The following EIF4E3 variants were observed in gnomAD, a reference collection of about 807,000 sequenced individuals.
The protein encoded by EIF4E3 is eukaryotic translation initiation factor 4E family member 3, also known as eukaryotic translation initiation factor 4E type 3.
In EIF4E3, 26 loss-of-function variants were observed where a neutral mutation model predicts 31.7. That is an observed-to-expected ratio of 0.82 (90% CI 0.60 to 1.14). The LOEUF is 1.14. Ranked by LOEUF, EIF4E3 falls within the 50% of genes most tolerant of loss-of-function variation. The pLI is 0.00. For missense variants in EIF4E3, 304 were observed against 270.9 expected, an observed-to-expected ratio of 1.12 and a Z score of -0.86; for synonymous variants, 128 against 107.7, an observed-to-expected ratio of 1.19 and a Z score of -1.17.
At chr3:71,716,466 C>G (rs1401043364) in intron 1 of EIF4E3, among the ~76,000 whole-genome samples, 2 of 152,172 alleles carry the variant, frequency 1.3e-5, no homozygotes, top group Non-Finnish European at 2.9e-5. Context: ...ATCTCCTGAC[C>G]TCGTGATCCA....
chr3:71,694,060 T>A (rs1179221907), intron 4 of EIF4E3, 119 bp from the exon 5 acceptor site: 2 of 970,012 alleles, frequency 2.1e-6, no homozygotes, highest in Non-Finnish European at 2.9e-6. Flanking sequence ...TCTGTGCCCA[T>A]ACTTGGAGTC....
upstream of EIF4E3, chr3:71,754,123 T>G: frequency 7.0e-7 from 1 of 1,432,618 alleles, no homozygotes; most frequent in Non-Finnish European, 9.2e-7. The surrounding 1 kb of genome is among the most constrained non-coding windows in gnomAD (Gnocchi z 5.8). Flanking sequence ...CTGGCCACGC[T>G]CAGCCTGCTG....
At chr3:71,733,228 C>A (rs984169764) in intron 1 of EIF4E3, among the ~76,000 whole-genome samples, 1 of 152,182 alleles carries the variant, frequency 6.6e-6, no homozygotes, top group African/African-American at 2.4e-5. Context: ...GGTCCTGGAG[C>A]ACTGCCTGTT....
intron 1 of EIF4E3, among the ~76,000 whole-genome samples, chr3:71,732,170 G>A (rs1171628918): frequency 6.6e-6 from 1 of 152,000 alleles, no homozygotes; most frequent in Admixed American, 6.6e-5. Flanking sequence ...CTCCCCACTT[G>A]GTAAACACAC....
chr3:71,688,156 T>C, intron 6 of EIF4E3, among the ~76,000 whole-genome samples: 1 of 152,174 alleles, frequency 6.6e-6, no homozygotes, highest in East Asian at 1.9e-4. Context: ...CCTTTAGGTA[T>C]CTATTTGATT....
At chr3:71,754,462 CGTGCGCCGCCATGCTGGT>C, upstream of EIF4E3, 3 of 1,333,682 alleles carry the variant, frequency 2.2e-6, no homozygotes, top group Non-Finnish European at 2.9e-6. This position sits in a 1 kb window ranked among gnomAD's most constrained non-coding sequence, Gnocchi z 5.8. Context: ...GCCGGCTGGC[CGTGCGCCGCCATGCTGGT>C]GTGCGCCGCC....
chr3:71,672,813 C>T (rs530183360), downstream of EIF4E3, among the ~76,000 whole-genome samples: 13 of 152,168 alleles, frequency 8.5e-5, no homozygotes, highest in East Asian at 1.4e-3. Context: ...TTTCCACACA[C>T]GTCTTCTGGG....
Position 71,676,191 on chromosome 3 carries a change from C to T in EIF4E3, c.*8491G>A, listed in dbSNP as rs971139958. The stretch of plus-strand genomic sequence containing the variant: ...TTGCACTCATCATTTAAAAGACTTA[C>T]AAATAAGTTTTCTGAACCAACGTTC... On this transcript the variant is annotated 3_prime_UTR_variant, in exon 7 of 7. Coordinates refer to ENST00000425534, the MANE Select transcript of EIF4E3 (RefSeq NM_001134651.2). 1 of 152,310 alleles carries T rather than the reference C, an allele frequency of 6.6e-6. No individual in the cohort carries two copies. 9.4% of individuals were successfully genotyped at this position (152,310 alleles called of 1,614,324 possible).
At chr3:71,699,393 T>C (rs1158159880) in intron 3 of EIF4E3, among the ~76,000 whole-genome samples, 1 of 152,224 alleles carries the variant, frequency 6.6e-6, no homozygotes, top group Non-Finnish European at 1.5e-5. Flanking sequence ...TATTACTAAC[T>C]GGGACTCCAG....
intron 6 of EIF4E3, 103 bp from the exon 7 acceptor site, chr3:71,684,831 T>G: frequency 8.1e-7 from 1 of 1,231,544 alleles, no homozygotes; most frequent in East Asian, 2.5e-5. Context: ...TCCCCAAATG[T>G]TGGCAAGAAC....
At chr3:71,729,798 A>AGTGTGTGTG (rs1553667667), upstream of EIF4E3, among the ~76,000 whole-genome samples, 1 of 129,692 alleles carries the variant, frequency 7.7e-6, no homozygotes, top group Non-Finnish European at 1.6e-5. Context: ...TTCCAATAGA[A>AGTGTGTGTG]TGTGTGTGTG....
At chr3:71,711,462 C>A (rs1327648607) in intron 1 of EIF4E3, among the ~76,000 whole-genome samples, 1 of 152,146 alleles carries the variant, frequency 6.6e-6, no homozygotes, top group African/African-American at 2.4e-5. Context: ...ATGCTCTTTA[C>A]CAGAAACTGA....
Position 71,683,700 on chromosome 3 carries a change from A to ACT in EIF4E3, c.*980_*981dup, listed in dbSNP as rs1282191167. 4 of 152,228 alleles carry ACT rather than the reference A, an allele frequency of 2.6e-5. No homozygotes were observed. The highest frequency in any genetic ancestry group is 5.9e-5 in the Non-Finnish European group (4 of 68,044). The allele number at this position is 152,228 out of a possible 1,614,324, so 9.4% of individuals were successfully genotyped here. A position where few individuals can be genotyped will look rare whatever the true frequency, so the allele number is the denominator to read the frequency against. On this transcript the variant is annotated 3_prime_UTR_variant, in exon 7 of 7. Transcript: ENST00000425534. ...GGACAGCTGCCCAGGCTGGAGGACT[A>ACT]CTGATGATGAGAAATGACACACAAT...
intron 1 of EIF4E3, among the ~76,000 whole-genome samples, chr3:71,715,434 C>A (rs1293698212): frequency 6.6e-6 from 1 of 152,240 alleles, no homozygotes; most frequent in Non-Finnish European, 1.5e-5. Flanking sequence ...CGGAATTCCC[C>A]AGGCTCCCAA....
upstream of EIF4E3, chr3:71,754,358 G>T (rs1014923838): frequency 6.1e-6 from 8 of 1,317,066 alleles, no homozygotes; most frequent in Non-Finnish European, 7.8e-6. This position sits in a 1 kb window ranked among gnomAD's most constrained non-coding sequence, Gnocchi z 5.8. Context: ...TCCTGGCCGC[G>T]CTCTTCTGCT....
At chr3:71,690,336 G>A (rs2108021229) in intron 5 of EIF4E3, among the ~76,000 whole-genome samples, 171 bp from the exon 6 acceptor site, 1 of 152,342 alleles carries the variant, frequency 6.6e-6, no homozygotes, top group East Asian at 1.9e-4. Context: ...CTGGAGGAAA[G>A]CAAGTCAGTG....
chr3:71,699,476 A>C, intron 3 of EIF4E3, 138 bp downstream of exon 3: 1 of 769,852 alleles, frequency 1.3e-6, no homozygotes, highest in Non-Finnish European at 2.2e-6. Context: ...ACTTACCCCC[A>C]GACCCTGGGC....
At chr3:71,717,893 G>A (rs1368091417) in intron 1 of EIF4E3, among the ~76,000 whole-genome samples, 1 of 152,166 alleles carries the variant, frequency 6.6e-6, no homozygotes, top group African/African-American at 2.4e-5. Flanking sequence ...TGAGTAAATT[G>A]TAGTTCATAT....
At chr3:71,720,336 C>T (rs1388747319) in intron 1 of EIF4E3, among the ~76,000 whole-genome samples, 5 of 152,046 alleles carry the variant, frequency 3.3e-5, no homozygotes. Context: ...GCTGGGACTA[C>T]AGGCTCTTGC....
Sources: allele counts gnomAD v4.1 joint callset (sites outside exome capture counted in the v4.1 genomes callset), GRCh38; gene constraint gnomAD v4.1.1; non-coding constraint Gnocchi (gnomAD v3.1); transcripts MANE v1.5; gene names NCBI Gene and HGNC (gene_info 2026-07-23, HGNC 2026-07-21).